The following MMP17 variants were observed in gnomAD, a reference collection of about 807,000 sequenced individuals.
MMP17 encodes matrix metallopeptidase 17.
Under a neutral mutation model 49.1 loss-of-function variants are expected in MMP17, and 54 were observed. The ratio of observed to expected loss-of-function variants is 1.10; its 90% CI spans 0.88 to 1.38. The LOEUF is 1.38. Ranked by LOEUF, MMP17 falls within the 40% of genes most tolerant of loss-of-function variation. The pLI is 0.00. For missense variants in MMP17, 837 were observed against 853.7 expected, an observed-to-expected ratio of 0.98 and a Z score of 0.24; for synonymous variants, 397 against 383.1, an observed-to-expected ratio of 1.04 and a Z score of -0.42.
chr12:131,831,776 G>T lies in MMP17; in HGVS notation c.159+3123G>T, dbSNP rs1424715564. 3.0e-5 allele frequency among the ~76,000 whole-genome samples: 4 copies of T among 135,426 alleles called. 1 individual carries two copies. Among genetic ancestry groups the T allele is most frequent in the African/African-American group, 1.2e-4 (4 of 34,638 alleles). 88.8% of individuals were successfully genotyped at this position (135,426 alleles called of 152,430 possible). On this transcript the variant is annotated intron_variant, in intron 1 of 9. Coordinates refer to ENST00000360564, the MANE Select transcript of MMP17 (RefSeq NM_016155.7). ...GAGGACAGGCTGCCGTGCGATCAGC[G>T]GAGGTGCTTCCGATGGTTCAGGGAC...
chr12:131,843,275 T>TC (rs1387050377), intron 5 of MMP17, among the ~76,000 whole-genome samples: 1 of 148,606 alleles, frequency 6.7e-6, no homozygotes, highest in Non-Finnish European at 1.5e-5. Context: ...CTCTTTTTTT[T>TC]TTTTTTTTTT....
intron 1 of MMP17, among the ~76,000 whole-genome samples, chr12:131,829,892 GC>G (rs1886705046): frequency 6.6e-6 from 1 of 152,218 alleles, no homozygotes; most frequent in Admixed American, 6.5e-5. Flanking sequence ...GCGTCCAGGT[GC>G]CTGCAGGTCC....
intron 1 of MMP17, among the ~76,000 whole-genome samples, chr12:131,834,908 C>T (rs1027925319): frequency 2.5e-4 from 38 of 152,208 alleles, no homozygotes; most frequent in African/African-American, 8.0e-4. Context: ...CCCACAGCCG[C>T]GCCTCCACCC....
In MMP17 at chr12:131,828,480, G is replaced by C. The variant is rs1238794854; in HGVS notation, c.-15G>C. On this transcript the variant is annotated 5_prime_UTR_variant, in exon 1 of 10. Transcript: ENST00000360564. Reference sequence around the variant, plus strand: ...GCGGGACCCTGCACGCCGCCCGCGGGCCCATGTGAGCGCCATGCGGCGCCG... The same window carrying C: ...GCGGGACCCTGCACGCCGCCCGCGGCCCCATGTGAGCGCCATGCGGCGCCG... The C allele has an allele frequency of 9.1e-6, 9 of 992,022 alleles. No homozygotes were observed. In the African/African-American group the frequency reaches 1.6e-4, roughly 17 times the overall value. The allele number at this position is 992,022 out of a possible 1,614,324, so 61.5% of individuals were successfully genotyped here.
intron 8 of MMP17, among the ~76,000 whole-genome samples, chr12:131,848,544 G>A (rs75635892): frequency 2.6e-5 from 4 of 152,084 alleles, no homozygotes; most frequent in Non-Finnish European, 5.9e-5. Flanking sequence ...AAACGGAAAC[G>A]CTGCCCCGTG....
At chr12:131,850,315 C>T (rs544098061) in intron 9 of MMP17, among the ~76,000 whole-genome samples, 3 of 152,306 alleles carry the variant, frequency 2.0e-5, no homozygotes, top group East Asian at 1.9e-4. Context: ...CCCCCAGCCA[C>T]GCTCCTGCCC....
intron 4 of MMP17, 71 bp downstream of exon 4, chr12:131,840,927 GC>G (rs1377371779): frequency 8.9e-6 from 13 of 1,461,230 alleles, no homozygotes; most frequent in Admixed American, 4.9e-5. Flanking sequence ...AGCAGCCATG[GC>G]CCCCCCATCC....
Position 131,849,742 on chromosome 12 carries a change from G to A in MMP17, c.1205-60G>A, listed in dbSNP as rs566139384. ...TGACACAGGAGAAGGAAAGGCAGGAGCCTCCTGCCCTTCGGGGTGGGGCCG... is the reference window on the plus strand; with the variant it reads ...TGACACAGGAGAAGGAAAGGCAGGAACCTCCTGCCCTTCGGGGTGGGGCCG... On this transcript the variant is annotated intron_variant, in intron 8 of 9. Coordinates refer to ENST00000360564, the MANE Select transcript of MMP17 (RefSeq NM_016155.7). The A allele has an allele frequency of 3.2e-6, 5 of 1,546,630 alleles. No individual in the cohort carries two copies. The East Asian group carries it at 9.0e-5, about 28-fold the overall frequency.
intron 8 of MMP17, among the ~76,000 whole-genome samples, chr12:131,849,299 C>T (rs1389426958): frequency 6.6e-6 from 1 of 152,154 alleles, no homozygotes; most frequent in African/African-American, 2.4e-5. Context: ...GCCTGGCCAA[C>T]ATGGTGAAAC....
At chr12:131,829,510 G>T (rs1886686457) in intron 1 of MMP17, among the ~76,000 whole-genome samples, 1 of 152,244 alleles carries the variant, frequency 6.6e-6, no homozygotes, top group South Asian at 2.1e-4. Flanking sequence ...GGTTCCTTCT[G>T]AGGCTCCTGC....
chr12:131,843,796 G>C (rs1887546990), intron 5 of MMP17, among the ~76,000 whole-genome samples: 1 of 152,230 alleles, frequency 6.6e-6, no homozygotes. Flanking sequence ...CACACACTGA[G>C]TGTTTAACTC....
intron 6 of MMP17, 58 bp from the exon 7 acceptor site, chr12:131,845,060 G>A: frequency 6.9e-7 from 1 of 1,456,178 alleles, no homozygotes; most frequent in Non-Finnish European, 9.3e-7. Context: ...GCCGCAGGAT[G>A]CCCTGTCCCG....
intron 1 of MMP17, among the ~76,000 whole-genome samples, chr12:131,833,887 G>A (rs1052579055): frequency 6.6e-6 from 1 of 152,208 alleles, no homozygotes; most frequent in African/African-American, 2.4e-5. Flanking sequence ...CCGGGGACGG[G>A]GCCTGCACTC....
Position 131,847,611 on chromosome 12 carries a change from C to T in MMP17, c.1204+2162C>T, listed in dbSNP as rs552444425. Among the ~76,000 whole-genome samples the T allele has an allele frequency of 1.2e-3, 187 of 152,354 alleles. 2 individuals are homozygous for T. The highest frequency in any genetic ancestry group is 3.4e-3 in the Middle Eastern group (1 of 294). Reference sequence around the variant, plus strand: ...CTGCCTTGCACACATTAGAAGTGTTCAGGCCGCTTCCCCCAGGTGGACCCG... The same window carrying T: ...CTGCCTTGCACACATTAGAAGTGTTTAGGCCGCTTCCCCCAGGTGGACCCG... On this transcript the variant is annotated intron_variant, in intron 8 of 9. Coordinates refer to ENST00000360564, the MANE Select transcript of MMP17 (RefSeq NM_016155.7).
Position 131,851,225 on chromosome 12 carries a change from C to T in MMP17, c.1763C>T (p.Pro588Leu), listed in dbSNP as rs1887959190. Residue 588 changes from proline to leucine, a missense_variant, in exon 10 of 10, where the codon CCA becomes CTA. By Grantham distance (98) the Pro-to-Leu change is moderately conservative. Coordinates refer to ENST00000360564, the MANE Select transcript of MMP17 (RefSeq NM_016155.7). Reference sequence around the variant, plus strand: ...GCCACCATGCTGCTGCTGCTGCCGCCACTGTCACCAGGCGCCCTGTGGACA... The same window carrying T: ...GCCACCATGCTGCTGCTGCTGCCGCTACTGTCACCAGGCGCCCTGTGGACA... ...VAATMLLLLP[P>L]LSPGALWTAA... is the part of the protein sequence containing the mutation. The T allele has an allele frequency of 1.4e-6, 2 of 1,453,286 alleles. No homozygotes were observed. The highest frequency in any genetic ancestry group is 1.5e-5 in the South Asian group (1 of 68,618). 90.0% of individuals were successfully genotyped at this position (1,453,286 alleles called of 1,614,324 possible).
chr12:131,828,468 C>T lies in MMP17; in HGVS notation c.-27C>T. The stretch of plus-strand genomic sequence containing the variant: ...GAAGCGGAGGGCGCGGGACCCTGCA[C>T]GCCGCCCGCGGGCCCATGTGAGCGC... On this transcript the variant is annotated 5_prime_UTR_variant, in exon 1 of 10. The change creates a new upstream start codon in the 5' untranslated region. Coordinates refer to ENST00000360564, the MANE Select transcript of MMP17 (RefSeq NM_016155.7). 1.0e-6 allele frequency: 1 copy of T among 990,540 alleles called. No homozygotes were observed. Among genetic ancestry groups the T allele is most frequent in the African/African-American group, 1.8e-5 (1 of 57,072 alleles). 61.4% of individuals were successfully genotyped at this position (990,540 alleles called of 1,614,324 possible). A position where few individuals can be genotyped will look rare whatever the true frequency, so the allele number is the denominator to read the frequency against.
chr12:131,842,882 T>A (rs1350573487), intron 5 of MMP17, among the ~76,000 whole-genome samples: 1 of 152,088 alleles, frequency 6.6e-6, no homozygotes, highest in Non-Finnish European at 1.5e-5. Context: ...AACTTTTTCA[T>A]CACCCACTAC....
chr12:131,839,539 T>G (rs1344181014), intron 3 of MMP17, among the ~76,000 whole-genome samples: 1 of 152,120 alleles, frequency 6.6e-6, no homozygotes, highest in East Asian at 1.9e-4. Context: ...GGTGTTGCAA[T>G]CTTGGCTCAC....
At position 131,849,039 on chromosome 12, in the gene MMP17, G is replaced by A. The variant is rs542194713; in HGVS notation, c.1205-763G>A. Among the ~76,000 whole-genome samples the A allele has an allele frequency of 5.0e-3, 764 of 152,248 alleles. 5 individuals are homozygous for A. The highest frequency in any genetic ancestry group is 0.017 in the African/African-American group (713 of 41,538). On this transcript the variant is annotated intron_variant, in intron 8 of 9. Coordinates refer to ENST00000360564, the MANE Select transcript of MMP17 (RefSeq NM_016155.7). ...TCATACTCCCTCCCCGGCAGCGCCC[G>A]GCTCTGCCGTCCCCATATCCTCCCG...
Sources: gnomAD v4.1 joint callset for allele counts (sites outside exome capture counted in the v4.1 genomes callset) on GRCh38, gnomAD v4.1.1 for gene constraint, MANE v1.5 for transcripts, NCBI Gene and HGNC (gene_info 2026-07-23, HGNC 2026-07-21) for gene names.